C7: variants seen among roughly 807,000 people sequenced by gnomAD.
C7 encodes the protein complement component C7.
A neutral mutation model predicts 104.8 loss-of-function variants in C7; 83 were observed. The ratio of observed to expected loss-of-function variants is 0.79; its 90% CI spans 0.66 to 0.95. The LOEUF (loss-of-function observed/expected upper bound fraction) is 0.95. Among genes scored for constraint, C7 ranks in the 40% least tolerant of loss-of-function variants. C7 has a pLI of 0.00. For synonymous variants in C7, 415 were observed against 360.6 expected (o/e 1.15, Z -1.71); for missense variants, 1,070 against 1,011.2 (o/e 1.06, Z -0.79).
chr5:40,948,702 C>G (rs974648845), intron 8 of C7, among the ~76,000 whole-genome samples: 1 of 152,166 alleles, frequency 6.6e-6, no homozygotes, highest in African/African-American at 2.4e-5. Flanking sequence ...CCTTGGCTTA[C>G]TAATGTTCCA....
chr5:40,909,856 T>C (rs1739170100), intron 1 of C7, among the ~76,000 whole-genome samples: 2 of 152,112 alleles, frequency 1.3e-5, no homozygotes, highest in Admixed American at 6.6e-5. Flanking sequence ...GGTGAAATTA[T>C]AGGTCCAGAG....
Position 40,937,704 on chromosome 5 carries a change from T to C in C7, c.567+14T>C. The C allele has an allele frequency of 6.5e-7, 1 of 1,544,504 alleles. No homozygotes were observed. The highest frequency in any genetic ancestry group is 8.7e-7 in the Non-Finnish European group (1 of 1,144,190). ...TATACATTCCAGGTACTTACGACGTTATTGATTTCCAATCTGGAATTGTCA... is the reference window on the plus strand; with the variant it reads ...TATACATTCCAGGTACTTACGACGTCATTGATTTCCAATCTGGAATTGTCA... On this transcript the variant is annotated intron_variant, in intron 6 of 17. Coordinates refer to ENST00000313164, the MANE Select transcript of C7 (RefSeq NM_000587.4).
In C7 at chr5:40,970,791, A is replaced by G. The variant is rs531439523; in HGVS notation, c.1883-1612A>G. 7.9e-5 allele frequency among the ~76,000 whole-genome samples: 12 copies of G among 152,002 alleles called. No individual in the cohort carries two copies. The South Asian group carries it at 2.5e-3, about 32-fold the overall frequency. ...ATCCCCTGACAGGCCACAGTGTGTG[A>G]TGTTCCACTCCCTGTGCCCATGTGT... On this transcript the variant is annotated intron_variant, in intron 14 of 17. Transcript: ENST00000313164.
At chr5:40,962,208 C>T (rs1228092353) in intron 13 of C7, 36 bp downstream of exon 13, 2 of 1,213,192 alleles carry the variant, frequency 1.6e-6, no homozygotes, top group African/African-American at 3.0e-5. Flanking sequence ...CTTTATAATG[C>T]TCTAACTTCT....
chr5:40,970,214 A>G (rs1740669458), intron 14 of C7, among the ~76,000 whole-genome samples: 3 of 152,158 alleles, frequency 2.0e-5, no homozygotes, highest in Admixed American at 2.0e-4. Context: ...GCATCCATCA[A>G]ATGCTGTTTT....
At position 40,968,569 on chromosome 5, in the gene C7, TATATATATATATA is replaced by T. The variant is rs1740611300; in HGVS notation, c.1882+3697_1882+3709del. On this transcript the variant is annotated intron_variant, in intron 14 of 17. Transcript: ENST00000313164. ...CAACTTAAAACAATTATATATATTT[TATATATATATATA>T]TATATATATATATATATATTTTTTT... 9.3e-4 allele frequency among the ~76,000 whole-genome samples: 39 copies of T among 41,960 alleles called. 1 individual carries two copies. The highest frequency in any genetic ancestry group is 2.3e-3 in the African/African-American group (36 of 15,326). 27.5% of individuals were successfully genotyped at this position (41,960 alleles called of 152,430 possible). A position where few individuals can be genotyped will look rare whatever the true frequency, so the allele number is the denominator to read the frequency against.
chr5:40,960,439 T>C (rs1447838890), intron 12 of C7, among the ~76,000 whole-genome samples: 3 of 152,182 alleles, frequency 2.0e-5, no homozygotes, highest in African/African-American at 4.8e-5. Context: ...CCTTGTAATC[T>C]GGCATTAATC....
intron 5 of C7, among the ~76,000 whole-genome samples, chr5:40,936,999 T>C (rs571348881): frequency 6.6e-6 from 1 of 152,220 alleles, no homozygotes; most frequent in South Asian, 2.1e-4. Flanking sequence ...TCAAAGAGAA[T>C]TCTGAAGAAT....
At chr5:40,936,585 G>A (rs1221258939) in intron 5 of C7, 100 bp downstream of exon 5, 2 of 1,110,226 alleles carry the variant, frequency 1.8e-6, no homozygotes, top group East Asian at 2.6e-5. Context: ...TCTTCTAATA[G>A]GCAAGATTAT....
intron 14 of C7, among the ~76,000 whole-genome samples, chr5:40,969,507 A>G (rs538116592): frequency 4.5e-4 from 69 of 152,292 alleles, no homozygotes; most frequent in African/African-American, 1.6e-3. Context: ...AAATTGGATG[A>G]TGCTATCTTC....
At chr5:40,972,998 T>G (rs1289324819) in intron 15 of C7, among the ~76,000 whole-genome samples, 6 of 152,224 alleles carry the variant, frequency 3.9e-5, no homozygotes, top group Non-Finnish European at 7.3e-5. Context: ...GTATGTTTCA[T>G]TTTTGGGCTT....
intron 14 of C7, among the ~76,000 whole-genome samples, chr5:40,971,294 G>A (rs1461583604): frequency 6.6e-6 from 1 of 152,184 alleles, no homozygotes; most frequent in Non-Finnish European, 1.5e-5. Flanking sequence ...GGCGTGAGAT[G>A]GTATCTCATT....
At chr5:40,941,979 G>GC (rs1259235374) in intron 6 of C7, among the ~76,000 whole-genome samples, 4 of 152,196 alleles carry the variant, frequency 2.6e-5, no homozygotes, top group Admixed American at 2.6e-4. Context: ...AGAAGGAACA[G>GC]CCAGAGAGAA....
intron 1 of C7, among the ~76,000 whole-genome samples, chr5:40,916,250 G>C (rs572343887): frequency 5.9e-5 from 9 of 152,188 alleles, no homozygotes; most frequent in Non-Finnish European, 1.0e-4. Context: ...CACATTTTAT[G>C]TACAATTTTG....
At chr5:40,963,762 C>T (rs114060850) in intron 13 of C7, among the ~76,000 whole-genome samples, 9 of 152,214 alleles carry the variant, frequency 5.9e-5, no homozygotes, top group South Asian at 2.1e-4. Context: ...CACCTTGCTT[C>T]GCCATGAAAG....
chr5:40,982,831 G>C lies in C7; in HGVS notation c.*1258G>C, dbSNP rs1453389754. 1 of 152,292 alleles carries C rather than the reference G, an allele frequency of 6.6e-6. No homozygotes were observed. Among genetic ancestry groups the C allele is most frequent in the Non-Finnish European group, 1.5e-5 (1 of 68,028 alleles). 9.4% of individuals were successfully genotyped at this position (152,292 alleles called of 1,614,324 possible). A position where few individuals can be genotyped will look rare whatever the true frequency, so the allele number is the denominator to read the frequency against. ...AGGGCTTAAATGAAATTTAAAATAA[G>C]CTATATTATACAAATACTATCTCTG... is the stretch of plus-strand genomic sequence containing the variant. On this transcript the variant is annotated 3_prime_UTR_variant, in exon 18 of 18. Coordinates refer to ENST00000313164, the MANE Select transcript of C7 (RefSeq NM_000587.4).
intron 15 of C7, among the ~76,000 whole-genome samples, chr5:40,975,309 G>C (rs934165357): frequency 6.6e-6 from 1 of 150,846 alleles, no homozygotes; most frequent in Non-Finnish European, 1.5e-5. Flanking sequence ...ATGTTCTAGG[G>C]TCCAGTTCAG....
intron 14 of C7, among the ~76,000 whole-genome samples, chr5:40,970,452 T>C (rs1475135575): frequency 6.6e-6 from 1 of 152,190 alleles, no homozygotes; most frequent in Non-Finnish European, 1.5e-5. Flanking sequence ...AGAATACAGA[T>C]GAAAAGTCAG....
intron 2 of C7, among the ~76,000 whole-genome samples, chr5:40,930,752 G>A (rs1739665023): frequency 6.6e-6 from 1 of 151,852 alleles, no homozygotes; most frequent in Non-Finnish European, 1.5e-5. Context: ...TTTTAGTAGA[G>A]ACAGGGTTTC....
Sources: allele counts gnomAD v4.1 joint callset (sites outside exome capture counted in the v4.1 genomes callset), GRCh38; gene constraint gnomAD v4.1.1; transcripts MANE v1.5; gene names NCBI Gene and HGNC (gene_info 2026-07-23, HGNC 2026-07-21).